Variants in PRKX observed in about 807,000 individuals in gnomAD.
PRKX encodes cAMP-dependent protein kinase catalytic subunit PRKX.
PRKX carries 12 observed loss-of-function variants against 22.0 expected under a neutral mutation model. The observed-to-expected ratio is 0.54, with a 90% CI of 0.35 to 0.88. The LOEUF (loss-of-function observed/expected upper bound fraction) is 0.88, where lower values mean the gene tolerates loss of function less well. Among genes scored for constraint, PRKX ranks in the 40% least tolerant of loss-of-function variants. The probability of loss-of-function intolerance (pLI) is 0.01; values close to 1 mark genes in which losing one functional copy is unlikely to be tolerated. For missense variants in PRKX, 217 were observed against 308.0 expected, an observed-to-expected ratio of 0.70 and a Z score of 2.21; for synonymous variants, 134 against 137.7, an observed-to-expected ratio of 0.97 and a Z score of 0.19.
intron 3 of PRKX, among the ~76,000 whole-genome samples, chrX:3,651,168 C>T (rs769269345): frequency 1.8e-5 from 2 of 110,689 alleles, no homozygotes; most frequent in Non-Finnish European, 3.8e-5. Flanking sequence ...ACTACCCATA[C>T]AGAGGAAGAT....
At chrX:3,689,215 TC>T (rs1229459134) in intron 1 of PRKX, among the ~76,000 whole-genome samples, 1 of 112,343 alleles carries the variant, frequency 8.9e-6, no homozygotes, top group Non-Finnish European at 1.9e-5. Flanking sequence ...CTTGACATTT[TC>T]CCCCCTGGGT....
At chrX:3,642,077 C>G (rs959285282) in intron 3 of PRKX, 106 bp from the exon 4 acceptor site, 3 of 956,576 alleles carry the variant, frequency 3.1e-6, no homozygotes, top group Middle Eastern at 3.5e-4. Flanking sequence ...AGTAAAACCA[C>G]GCTCCGTTTA....
Position 3,626,506 on chromosome X carries a change from G to A in PRKX, c.728C>T (p.Pro243Leu), listed in dbSNP as rs780742984. 8.3e-7 allele frequency: 1 copy of A among 1,205,762 alleles called. No individual in the cohort carries two copies. The highest frequency in any genetic ancestry group is 1.8e-5 in the South Asian group (1 of 56,760). ...GCCAAACGGGTTGTCATCAAAAAAC[G>A]GAGGAAACCTGTTAGAAAAACAAAC... Reference protein sequence around the residue: ...LIFEMLSGFPPFFDDNPFGIY... With the variant: ...LIFEMLSGFPLFFDDNPFGIY... Residue 243 changes from proline (P) to leucine (L), a missense_variant, in exon 5 of 9, where the codon CCG becomes CTG. Transcript: ENST00000262848.
In PRKX at chrX:3,705,744, T is replaced by C. The variant is rs1243563265; in HGVS notation, c.166+7344A>G. Among the ~76,000 whole-genome samples, 3 of 107,254 alleles carry C rather than the reference T, an allele frequency of 2.8e-5. No individual in the cohort carries two copies. In the Admixed American group the frequency reaches 3.0e-4, roughly 11 times the overall value. 93.1% of individuals were successfully genotyped at this position (107,254 alleles called of 115,157 possible). A position where few individuals can be genotyped will look rare whatever the true frequency, so the allele number is the denominator to read the frequency against. On this transcript the variant is annotated intron_variant, in intron 1 of 8. Transcript: ENST00000262848. ...CTCTGTCGCCCAGGCTGGAGTGCAG[T>C]GGTGTGATCTCGGCTCACTGCAAGC...
chrX:3,701,692 A>T (rs1337162309), intron 1 of PRKX, among the ~76,000 whole-genome samples: 11 of 111,569 alleles, frequency 9.9e-5, no homozygotes, highest in Non-Finnish European at 3.8e-5. Context: ...TCACGGGATG[A>T]GATAGGAGGT....
intron 1 of PRKX, among the ~76,000 whole-genome samples, chrX:3,683,005 C>G (rs1338578435): frequency 9.7e-6 from 1 of 103,612 alleles, no homozygotes; most frequent in East Asian, 3.3e-4. Flanking sequence ...AGGCAGAGAC[C>G]GCAGTGATGC....
intron 1 of PRKX, among the ~76,000 whole-genome samples, chrX:3,681,035 G>A (rs1193890087): frequency 2.7e-5 from 3 of 109,289 alleles, no homozygotes; most frequent in Non-Finnish European, 5.7e-5. Context: ...GGTTGCCACC[G>A]CACTGCAGTC....
chrX:3,633,682 TGCAG>T (rs1241183996), intron 4 of PRKX, among the ~76,000 whole-genome samples: 1 of 111,855 alleles, frequency 8.9e-6, no homozygotes, highest in Non-Finnish European at 1.9e-5. Flanking sequence ...AAGTGGATGG[TGCAG>T]GCAGAGATAC....
intron 1 of PRKX, among the ~76,000 whole-genome samples, chrX:3,708,041 C>G (rs1458192875): frequency 1.8e-5 from 2 of 111,838 alleles, no homozygotes; most frequent in Admixed American, 9.5e-5. Context: ...ATGTCTGTGT[C>G]CCCCTAAAAT....
chrX:3,655,510 A>T (rs1927462804), intron 2 of PRKX, 98 bp from the exon 3 acceptor site: 1 of 968,958 alleles, frequency 1.0e-6, no homozygotes, highest in African/African-American at 1.9e-5. Flanking sequence ...CTAGATACCA[A>T]AATGTGTGTA....
At chrX:3,684,965 T>C (rs7065223) in intron 1 of PRKX, among the ~76,000 whole-genome samples, 36,846 of 110,277 alleles carry the variant, frequency 0.33, 5,705 homozygotes, top group East Asian at 0.62. Context: ...TACAGGCATG[T>C]GCCACCACAG....
chrX:3,644,400 C>A (rs866361332), intron 3 of PRKX, among the ~76,000 whole-genome samples: 87 of 36,969 alleles, frequency 2.4e-3, no homozygotes, highest in South Asian at 2.7e-3. Context: ...GACACTGTCT[C>A]AAAAAAAAAA....
chrX:3,608,372 A>AG lies in PRKX; in HGVS notation c.*596_*597insC, dbSNP rs748117708. 1 of 109,269 alleles carries AG rather than the reference A, an allele frequency of 9.2e-6. No individual in the cohort carries two copies. Among genetic ancestry groups the AG allele is most frequent in the South Asian group, 4.0e-4 (1 of 2,483 alleles). The allele number at this position is 109,269 out of a possible 1,213,427, so 9.0% of individuals were successfully genotyped here. The stretch of plus-strand genomic sequence containing the variant: ...TACTGAAGGTAGACCTCCCCATGAT[A>AG]TTTTCTTCCCCAAAACTATAAAATG... On this transcript the variant is annotated 3_prime_UTR_variant, in exon 9 of 9. Coordinates refer to ENST00000262848, the MANE Select transcript of PRKX (RefSeq NM_005044.5).
At chrX:3,660,497 A>ACT (rs756238246) in intron 2 of PRKX, among the ~76,000 whole-genome samples, 4 of 109,853 alleles carry the variant, frequency 3.6e-5, no homozygotes, top group East Asian at 2.9e-4. Flanking sequence ...ATACAAACAC[A>ACT]CTCTCTCTCT....
intron 1 of PRKX, among the ~76,000 whole-genome samples, chrX:3,689,813 T>TA (rs1248928841): frequency 9.0e-6 from 1 of 111,131 alleles, no homozygotes; most frequent in Non-Finnish European, 1.9e-5. Context: ...CTGTCTCCAC[T>TA]AAAAATACAA....
At chrX:3,617,315 T>C (rs1258592863) in intron 6 of PRKX, among the ~76,000 whole-genome samples, 1 of 110,498 alleles carries the variant, frequency 9.0e-6, no homozygotes, top group East Asian at 2.8e-4. Context: ...GAGATTCACA[T>C]TAGTATCCAA....
intron 1 of PRKX, among the ~76,000 whole-genome samples, chrX:3,697,743 T>C (rs1024812592): frequency 8.2e-5 from 9 of 110,046 alleles, no homozygotes; most frequent in African/African-American, 1.7e-4. Context: ...TAGAGACAGG[T>C]TCTTACTGTG....
At chrX:3,652,858 A>T (rs1927365622) in intron 3 of PRKX, among the ~76,000 whole-genome samples, 1 of 110,812 alleles carries the variant, frequency 9.0e-6, no homozygotes. Context: ...GGATACAGAC[A>T]TGCACAGAGG....
chrX:3,612,133 G>C lies in PRKX; in HGVS notation c.*23+44C>G, dbSNP rs778444616. On this transcript the variant is annotated intron_variant, in intron 8 of 8. Coordinates refer to ENST00000262848, the MANE Select transcript of PRKX (RefSeq NM_005044.5). ...CGCAGCCTCACCTGGATGTGGGGTC[G>C]AGTCAGTCTCATTTTTTGGGAATTA... 16 of 1,131,539 alleles carry C rather than the reference G, an allele frequency of 1.4e-5. No individual in the cohort carries two copies. In the South Asian group the frequency reaches 1.6e-4, roughly 12 times the overall value. 93.3% of individuals were successfully genotyped at this position (1,131,539 alleles called of 1,213,427 possible).
Sources: allele counts gnomAD v4.1 joint callset (sites outside exome capture counted in the v4.1 genomes callset), GRCh38; gene constraint gnomAD v4.1.1; transcripts MANE v1.5; gene names NCBI Gene and HGNC (gene_info 2026-07-23, HGNC 2026-07-21).